The following AGAP1 variants were observed in gnomAD, a reference collection of about 807,000 sequenced individuals.
AGAP1 encodes ArfGAP with GTPase domain, ankyrin repeat and PH domain 1.
In AGAP1, 29 loss-of-function variants were observed where a neutral mutation model predicts 105.3. The ratio of observed to expected loss-of-function variants is 0.28; its 90% confidence interval spans 0.21 to 0.38. The LOEUF (loss-of-function observed/expected upper bound fraction) is 0.38, where lower values mean the gene tolerates loss of function less well. Ranked by LOEUF, AGAP1 falls within the 10% of genes least tolerant of loss-of-function variation. The pLI is 1.00. For synonymous variants in AGAP1, 509 were observed against 485.9 expected (o/e 1.05, Z -0.63); for missense variants, 998 against 1,165.1 (o/e 0.86, Z 2.09).
At position 235,855,644 on chromosome 2, in the gene AGAP1, A is replaced by G. The variant is rs2048657435; in HGVS notation, c.1051-27701A>G. On this transcript the variant is annotated intron_variant, in intron 9 of 17. Coordinates refer to ENST00000304032, the MANE Select transcript of AGAP1 (RefSeq NM_001037131.3). This position sits in a 1 kb window ranked among gnomAD's most constrained non-coding sequence, Gnocchi z 5.0. ...TTATAAATACACAGCTACTCATCTC[A>G]TTCTCTTATCTCCACTGTGCTGGGA... Among the ~76,000 whole-genome samples, 2 of 152,182 alleles carry G rather than the reference A, an allele frequency of 1.3e-5. No individual in the cohort carries two copies. The highest frequency in any genetic ancestry group is 4.1e-4 in the South Asian group (2 of 4,828).
rs1263801119 is a variant in AGAP1, at chr2:235,736,807, C to T, written c.311-4156C>T. ...AGTGAGTCATGTCCGTGCCACCGCA[C>T]TCCAGCCTAGGCAACAGAGTGAGAC... On this transcript the variant is annotated intron_variant, in intron 3 of 17. Transcript: ENST00000304032. This position sits in a 1 kb window ranked among gnomAD's most constrained non-coding sequence, Gnocchi z 5.5. 6.6e-6 allele frequency among the ~76,000 whole-genome samples: 1 copy of T among 152,158 alleles called. No homozygotes were observed. The highest frequency in any genetic ancestry group is 2.4e-5 in the African/African-American group (1 of 41,434).
rs2060069768 is a variant in AGAP1, at chr2:236,130,589, G to A, written c.*6467G>A. 6.6e-6 allele frequency: 1 copy of A among 152,414 alleles called. No individual in the cohort carries two copies. Among genetic ancestry groups the A allele is most frequent in the Non-Finnish European group, 1.5e-5 (1 of 68,264 alleles). The allele number at this position is 152,414 out of a possible 1,614,324, so 9.4% of individuals were successfully genotyped here. On this transcript the variant is annotated 3_prime_UTR_variant, in exon 18 of 18. Transcript: ENST00000304032. The surrounding 1 kb of genome is among the most constrained non-coding windows in gnomAD (Gnocchi z 5.8). Reference sequence around the variant, plus strand: ...GCTTGGAGAGCTTTGGTAAACAGAAGACACTGGAAGCCCACTCGGTCAGCA... The same window carrying A: ...GCTTGGAGAGCTTTGGTAAACAGAAAACACTGGAAGCCCACTCGGTCAGCA...
chr2:236,060,179 C>T (rs763153863), intron 16 of AGAP1, among the ~76,000 whole-genome samples: 3 of 152,080 alleles, frequency 2.0e-5, no homozygotes, highest in Admixed American at 1.3e-4. Context: ...GAAGAAAATA[C>T]GGGGTAAATC....
chr2:235,941,406 G>A (rs1028106764), intron 12 of AGAP1, among the ~76,000 whole-genome samples: 8 of 152,176 alleles, frequency 5.3e-5, no homozygotes, highest in African/African-American at 1.7e-4. Context: ...CCTGGCCCTG[G>A]GAGTGGAGCA....
chr2:235,992,158 T>C lies in AGAP1; in HGVS notation c.1645+23535T>C, dbSNP rs1449894023. Among the ~76,000 whole-genome samples the C allele has an allele frequency of 6.6e-6, 1 of 152,066 alleles. No individual in the cohort carries two copies. Among genetic ancestry groups the C allele is most frequent in the East Asian group, 1.9e-4 (1 of 5,172 alleles). ...TAGAAGCGCAGCGGAGGAGCCTGTC[T>C]TCCTGGGTCCGAGTTGCGTGGTTAG... On this transcript the variant is annotated intron_variant, in intron 13 of 17. Transcript: ENST00000304032. This position sits in a 1 kb window ranked among gnomAD's most constrained non-coding sequence, Gnocchi z 4.8.
intron 1 of AGAP1, chr2:235,670,636 G>T (rs1461403531): frequency 1.6e-6 from 1 of 622,708 alleles, no homozygotes; most frequent in Admixed American, 2.6e-5. Flanking sequence ...GCAGCTCCGG[G>T]AGCCTGGCCT....
At chr2:235,760,978 G>A (rs1954391661) in intron 6 of AGAP1, among the ~76,000 whole-genome samples, 1 of 152,110 alleles carries the variant, frequency 6.6e-6, no homozygotes, top group Non-Finnish European at 1.5e-5. Context: ...GTGGGGGAGG[G>A]AATATCTTAA....
At chr2:235,811,109 G>A (rs2150111329) in intron 9 of AGAP1, among the ~76,000 whole-genome samples, 1 of 152,300 alleles carries the variant, frequency 6.6e-6, no homozygotes, top group Admixed American at 6.5e-5. Context: ...GGTGGCAGAT[G>A]GGAGGTCTGT....
chr2:236,117,332 A>G (rs1369550087), intron 16 of AGAP1, among the ~76,000 whole-genome samples: 1 of 152,206 alleles, frequency 6.6e-6, no homozygotes, highest in Non-Finnish European at 1.5e-5. Flanking sequence ...CTGATTTTTA[A>G]AAGTAAAGAA....
intron 5 of AGAP1, among the ~76,000 whole-genome samples, chr2:235,749,001 G>C (rs1290779870): frequency 6.6e-6 from 1 of 152,134 alleles, no homozygotes; most frequent in Non-Finnish European, 1.5e-5. Context: ...TTGAGGCCAG[G>C]AGTTGAGACC....
intron 1 of AGAP1, among the ~76,000 whole-genome samples, chr2:235,504,046 T>A (rs1941680701): frequency 6.6e-6 from 1 of 152,128 alleles, no homozygotes; most frequent in African/African-American, 2.4e-5. Context: ...CATGCCCGAC[T>A]AATTTTTTAA....
At chr2:235,917,261 G>A (rs2051937566) in intron 11 of AGAP1, among the ~76,000 whole-genome samples, 1 of 151,994 alleles carries the variant, frequency 6.6e-6, no homozygotes, top group African/African-American at 2.4e-5. Context: ...GGGGAGGCGG[G>A]GACAGCAAAT....
At chr2:236,059,670 G>A (rs1310781065) in intron 16 of AGAP1, among the ~76,000 whole-genome samples, 5 of 152,136 alleles carry the variant, frequency 3.3e-5, no homozygotes, top group African/African-American at 9.7e-5. Flanking sequence ...CCCCTTCATC[G>A]GTGGGCAGTT....
chr2:235,905,932 A>G lies in AGAP1; in HGVS notation c.1156-2806A>G, dbSNP rs1423161977. ...GTAACTTTCTTTCTGTCTTTGGTCT[A>G]CATCCTCTCAAAGTTGATTATGTTT... On this transcript the variant is annotated intron_variant, in intron 10 of 17. Transcript: ENST00000304032. The surrounding 1 kb of genome is among the most constrained non-coding windows in gnomAD (Gnocchi z 4.2). Among the ~76,000 whole-genome samples the G allele has an allele frequency of 6.6e-6, 1 of 152,212 alleles. No individual in the cohort carries two copies. The highest frequency in any genetic ancestry group is 1.5e-5 in the Non-Finnish European group (1 of 68,044).
In AGAP1 at chr2:236,055,546, G is replaced by A. The variant is rs573727573; in HGVS notation, c.2114+6265G>A. Among the ~76,000 whole-genome samples, 5 of 152,340 alleles carry A rather than the reference G, an allele frequency of 3.3e-5. No individual in the cohort carries two copies. The highest frequency in any genetic ancestry group is 2.0e-4 in the Admixed American group (3 of 15,304). On this transcript the variant is annotated intron_variant, in intron 16 of 17. Transcript: ENST00000304032. The surrounding 1 kb of genome is among the most constrained non-coding windows in gnomAD (Gnocchi z 6.2). The stretch of plus-strand genomic sequence containing the variant: ...ACTCAAAGTGAATTTCTGTCACCGC[G>A]GCGTGCTTGTCAGTGGGCCTGCCCT...
At position 235,659,020 on chromosome 2, in the gene AGAP1, G is replaced by A. The variant is rs532869794; in HGVS notation, c.164-50159G>A. 1.3e-5 allele frequency among the ~76,000 whole-genome samples: 2 copies of A among 152,248 alleles called. No individual in the cohort carries two copies. The highest frequency in any genetic ancestry group is 3.9e-4 in the East Asian group (2 of 5,162). On this transcript the variant is annotated intron_variant, in intron 1 of 17. Transcript: ENST00000304032. This position sits in a 1 kb window ranked among gnomAD's most constrained non-coding sequence, Gnocchi z 5.0. Reference sequence around the variant, plus strand: ...CAGCCCAGCAGCATGTACAGCACTTGCTTTCCTTTGAGAGGCCCTCCATTG... The same window carrying A: ...CAGCCCAGCAGCATGTACAGCACTTACTTTCCTTTGAGAGGCCCTCCATTG...
At chr2:236,033,898 A>G (rs2057300838) in intron 13 of AGAP1, among the ~76,000 whole-genome samples, 1 of 152,258 alleles carries the variant, frequency 6.6e-6, no homozygotes, top group Non-Finnish European at 1.5e-5. Context: ...TTTTTTCACT[A>G]GAAGATCCAA....
At chr2:235,667,816 G>A (rs533411389) in intron 1 of AGAP1, among the ~76,000 whole-genome samples, 21 of 151,900 alleles carry the variant, frequency 1.4e-4, no homozygotes, top group African/African-American at 4.3e-4. Context: ...AAAATTAGCC[G>A]GGACTGGTGG....
At chr2:235,768,811 G>A (rs1307750293) in intron 6 of AGAP1, among the ~76,000 whole-genome samples, 4 of 152,202 alleles carry the variant, frequency 2.6e-5, no homozygotes, top group African/African-American at 9.6e-5. Context: ...TGTTGTCGGG[G>A]ATCTGGGCAG....
Sources: allele counts gnomAD v4.1 joint callset (sites outside exome capture counted in the v4.1 genomes callset), GRCh38; gene constraint gnomAD v4.1.1; non-coding constraint Gnocchi (gnomAD v3.1); transcripts MANE v1.5; gene names NCBI Gene and HGNC (gene_info 2026-07-23, HGNC 2026-07-21).